Variants in PPP2R5D observed in about 807,000 individuals in gnomAD.
PPP2R5D encodes the protein protein phosphatase 2 regulatory subunit B'delta.
Under a neutral mutation model 79.1 loss-of-function variants are expected in PPP2R5D, and 12 were observed. The ratio of observed to expected loss-of-function variants is 0.15; its 90% CI spans 0.10 to 0.25. The LOEUF (loss-of-function observed/expected upper bound fraction) is 0.25. Ranked by LOEUF, PPP2R5D falls within the 10% of genes least tolerant of loss-of-function variation. PPP2R5D has a pLI of 1.00. For missense variants in PPP2R5D, 419 were observed against 760.2 expected (o/e 0.55, Z 5.28); for synonymous variants, 277 against 286.6 (o/e 0.97, Z 0.34).
rs752822476 is a variant in PPP2R5D at position 43,006,500 on chromosome 6, C to T, written c.143C>T (p.Ala48Val). ...CCCCAGCCCCAGCCCCAGCCCCAAG[C>T]CCAGTCTCAGCCACCGTCATCCAAC... ...PQPQPQPQPQ[A>V]QSQPPSSNKR... The change falls in exon 3 of 16, where the codon GCC (alanine) becomes GTC (valine). Residue 48 changes from alanine to valine, a missense_variant. By Grantham distance (64) the Ala-to-Val change is moderately conservative. Coordinates refer to ENST00000485511, the MANE Select transcript of PPP2R5D (RefSeq NM_006245.4). This position sits in a 1 kb window ranked among gnomAD's most constrained non-coding sequence, Gnocchi z 4.7. 6.2e-7 allele frequency: 1 copy of T among 1,613,910 alleles called. No homozygotes were observed. Among genetic ancestry groups the T allele is most frequent in the South Asian group, 1.1e-5 (1 of 91,082 alleles).
chr6:43,011,322 C>G lies in PPP2R5D; in HGVS notation c.*36C>G, dbSNP rs753468394. On this transcript the variant is annotated 3_prime_UTR_variant, in exon 16 of 16. Transcript: ENST00000485511. Reference sequence around the variant, plus strand: ...TCCTACCACAGGGCCACAGCCCACACAGCCCTGGGACACTGCCCTGGCCCT... The same window carrying G: ...TCCTACCACAGGGCCACAGCCCACAGAGCCCTGGGACACTGCCCTGGCCCT... 13 of 1,612,248 alleles carry G rather than the reference C, an allele frequency of 8.1e-6. No individual in the cohort carries two copies. Among genetic ancestry groups the G allele is most frequent in the African/African-American group, 2.7e-5 (2 of 74,876 alleles).
At chr6:43,005,582 A>G (rs747060258) in intron 2 of PPP2R5D, among the ~76,000 whole-genome samples, 4 of 151,106 alleles carry the variant, frequency 2.6e-5, no homozygotes, top group Non-Finnish European at 4.4e-5. Context: ...TTGGGATTAC[A>G]GGCTTTGGCC....
In PPP2R5D at chr6:43,011,556, G is replaced by A. The variant is rs1370513727; in HGVS notation, c.*270G>A. On this transcript the variant is annotated 3_prime_UTR_variant, in exon 16 of 16. Coordinates refer to ENST00000485511, the MANE Select transcript of PPP2R5D (RefSeq NM_006245.4). ...ACCTGGGGATGCCTGTCCCCTACCT[G>A]CTCCTCACCCACAGCTACCTGAGGC... 6 of 514,888 alleles carry A rather than the reference G, an allele frequency of 1.2e-5. No individual in the cohort carries two copies. Among genetic ancestry groups the A allele is most frequent in the Non-Finnish European group, 2.1e-5 (6 of 285,490 alleles). 31.9% of individuals were successfully genotyped at this position (514,888 alleles called of 1,614,324 possible).
At chr6:43,002,646 G>A (rs565731950) in intron 2 of PPP2R5D, among the ~76,000 whole-genome samples, 6 of 152,178 alleles carry the variant, frequency 3.9e-5, no homozygotes, top group Non-Finnish European at 7.4e-5. Flanking sequence ...TCTAATACAC[G>A]GGACCCACAG....
Position 43,007,945 on chromosome 6 carries a change from T to G in PPP2R5D, c.737T>G (p.Leu246Arg). Residue 246 changes from leucine (L) to arginine (R), a missense_variant, in exon 7 of 16, where the codon CTA (leucine) becomes CGA (arginine). Leu to Arg is a moderately radical substitution (Grantham distance 102, BLOSUM62 -2). Transcript: ENST00000485511. The surrounding 1 kb of genome is among the most constrained non-coding windows in gnomAD (Gnocchi z 4.5). ...DQKFVLALLDLFDSEDPRERD... is the reference protein window; with the variant it reads ...DQKFVLALLDRFDSEDPRERD... Reference sequence around the variant, plus strand: ...CCCTTGTACCCCCAGCTCCTAGACCTATTTGACAGTGAGGATCCTCGAGAG... The same window carrying G: ...CCCTTGTACCCCCAGCTCCTAGACCGATTTGACAGTGAGGATCCTCGAGAG... 1 of 1,614,200 alleles carries G rather than the reference T, an allele frequency of 6.2e-7. No homozygotes were observed. The highest frequency in any genetic ancestry group is 8.5e-7 in the Non-Finnish European group (1 of 1,180,030).
chr6:42,985,870 T>C (rs1420621708), intron 1 of PPP2R5D, among the ~76,000 whole-genome samples: 5 of 151,304 alleles, frequency 3.3e-5, no homozygotes, highest in South Asian at 2.1e-4. Context: ...CTCTGCCTTC[T>C]AGCTTCAAGC....
In PPP2R5D at chr6:43,009,365, T is replaced by C; in HGVS notation, c.1295T>C (p.Met432Thr). 6.2e-7 allele frequency: 1 copy of C among 1,613,672 alleles called. No individual in the cohort carries two copies. Among genetic ancestry groups the C allele is most frequent in the East Asian group, 2.2e-5 (1 of 44,862 alleles). The part of the protein sequence containing the change: ...ALYYWNNEYI[M>T]SLISDNAARV... ...TATTACTGGAACAATGAGTACATCA[T>C]GAGCCTGATAAGTGACAATGCTGCC... Residue 432 changes from methionine to threonine, a missense_variant, in exon 12 of 16, where the codon ATG (methionine) becomes ACG (threonine). By Grantham distance (81) the Met-to-Thr change is moderately conservative (BLOSUM62 -1). This residue lies in a region of PPP2R5D where 196 missense variants were observed against 424.5 expected (regional missense o/e 0.46). Transcript: ENST00000485511. This position sits in a 1 kb window ranked among gnomAD's most constrained non-coding sequence, Gnocchi z 5.6.
chr6:42,985,627 C>T (rs1385364753), intron 1 of PPP2R5D, among the ~76,000 whole-genome samples: 1 of 151,704 alleles, frequency 6.6e-6, no homozygotes, highest in African/African-American at 2.4e-5. Context: ...CTTTTCGCAC[C>T]AGTGCTGGAT....
intron 1 of PPP2R5D, among the ~76,000 whole-genome samples, chr6:42,989,222 C>T (rs199878869): frequency 3.3e-4 from 51 of 152,274 alleles, no homozygotes; most frequent in South Asian, 1.0e-3. Flanking sequence ...TGAAAGCCTC[C>T]GGCACACCTT....
chr6:43,003,953 C>T (rs1208954635), intron 2 of PPP2R5D, among the ~76,000 whole-genome samples: 1 of 151,410 alleles, frequency 6.6e-6, no homozygotes, highest in Non-Finnish European at 1.5e-5. Context: ...CTCCTGACCT[C>T]GTGATCTGCC....
chr6:43,006,911 A>G lies in PPP2R5D; in HGVS notation c.323A>G (p.Asp108Gly), dbSNP rs1442240259. ...RELQKLPALKDSPTQEREELF... is the reference protein window; with the variant it reads ...RELQKLPALKGSPTQEREELF... ...AACCTGACTGCTGGGGCCCCCACAG[A>G]TTCGCCAACCCAGGAGCGGGAGGAG... Residue 108 changes from aspartate to glycine, a missense_variant and splice_region_variant, in exon 4 of 16, where the codon GAT (aspartate) becomes GGT (glycine). Physicochemically the swap from Asp to Gly is moderately conservative, Grantham distance 94 (BLOSUM62 -1). This residue lies in a region of PPP2R5D where 110 missense variants were observed against 147.6 expected (regional missense o/e 0.75). Coordinates refer to ENST00000485511, the MANE Select transcript of PPP2R5D (RefSeq NM_006245.4). This position sits in a 1 kb window ranked among gnomAD's most constrained non-coding sequence, Gnocchi z 4.7. The G allele has an allele frequency of 6.2e-7, 1 of 1,613,774 alleles. No homozygotes were observed. Among genetic ancestry groups the G allele is most frequent in the Non-Finnish European group, 8.5e-7 (1 of 1,180,006 alleles).
chr6:42,985,919 A>G (rs532766820), intron 1 of PPP2R5D, among the ~76,000 whole-genome samples: 19 of 152,050 alleles, frequency 1.2e-4, no homozygotes, highest in Non-Finnish European at 2.8e-4. Flanking sequence ...CTGGAATTAC[A>G]GGCATGCGCC....
At chr6:42,993,503 C>T (rs2150256070) in intron 2 of PPP2R5D, among the ~76,000 whole-genome samples, 1 of 152,170 alleles carries the variant, frequency 6.6e-6, no homozygotes, top group African/African-American at 2.4e-5. Flanking sequence ...AAAAGAAATA[C>T]ATTCTCTCTC....
At chr6:42,992,276 G>C (rs1277896000) in intron 2 of PPP2R5D, among the ~76,000 whole-genome samples, 3 of 152,048 alleles carry the variant, frequency 2.0e-5, no homozygotes, top group Non-Finnish European at 4.4e-5. Flanking sequence ...AGCCAGGATG[G>C]TCTCGATCTC....
chr6:42,987,106 C>T (rs540748249), intron 1 of PPP2R5D, among the ~76,000 whole-genome samples: 10 of 152,280 alleles, frequency 6.6e-5, no homozygotes, highest in African/African-American at 2.2e-4. Flanking sequence ...AGCCCTCAGT[C>T]AGGAGTGAAC....
intron 2 of PPP2R5D, among the ~76,000 whole-genome samples, chr6:42,996,901 A>T (rs1433725849): frequency 6.6e-6 from 1 of 152,192 alleles, no homozygotes; most frequent in African/African-American, 2.4e-5. Context: ...TGCAAAAGAG[A>T]TATAATATTT....
chr6:42,997,469 G>A (rs767985775), intron 2 of PPP2R5D, among the ~76,000 whole-genome samples: 1 of 151,334 alleles, frequency 6.6e-6, no homozygotes, highest in Non-Finnish European at 1.5e-5. Context: ...TGGGATTACA[G>A]GCGTGGGCCA....
At position 42,984,605 on chromosome 6, in the gene PPP2R5D, G is replaced by A. The variant is rs1770680414; in HGVS notation, c.-73G>A. On this transcript the variant is annotated 5_prime_UTR_variant, in exon 1 of 16. Coordinates refer to ENST00000485511, the MANE Select transcript of PPP2R5D (RefSeq NM_006245.4). ...GGCGGTGGCGAAGAGACGCCGAGCG[G>A]GCCGAGTGCGGCCGAGCAAAGCCGG... The A allele has an allele frequency of 2.6e-6, 4 of 1,531,270 alleles. No individual in the cohort carries two copies. The highest frequency in any genetic ancestry group is 3.5e-6 in the Non-Finnish European group (4 of 1,139,708). The allele number at this position is 1,531,270 out of a possible 1,614,324, so 94.9% of individuals were successfully genotyped here.
At chr6:42,991,142 C>T (rs1452832052) in intron 2 of PPP2R5D, among the ~76,000 whole-genome samples, 1 of 152,196 alleles carries the variant, frequency 6.6e-6, no homozygotes, top group East Asian at 1.9e-4. Flanking sequence ...TGCATTGCTT[C>T]TTTCCTACCT....
Sources: gnomAD v4.1 joint callset for allele counts (sites outside exome capture counted in the v4.1 genomes callset) on GRCh38, gnomAD v4.1.1 for gene constraint, gnomAD v4.1.1 regional missense constraint, Gnocchi (gnomAD v3.1) non-coding constraint, MANE v1.5 for transcripts, NCBI Gene and HGNC (gene_info 2026-07-23, HGNC 2026-07-21) for gene names.